Variants in FBLN2 observed in about 807,000 individuals in gnomAD.
FBLN2 encodes fibulin 2, also known as fibulin-2.
In FBLN2, 81 loss-of-function variants were observed where a neutral mutation model predicts 123.7. The observed-to-expected ratio is 0.65, with a 90% confidence interval of 0.55 to 0.79. The LOEUF (loss-of-function observed/expected upper bound fraction) is 0.79. Ranked by LOEUF, FBLN2 falls within the 30% of genes least tolerant of loss-of-function variation. FBLN2 has a pLI of 0.00. For missense variants in FBLN2, 1,603 were observed against 1,681.3 expected (o/e 0.95, Z 0.81); for synonymous variants, 699 against 701.4 (o/e 1.00, Z 0.05).
At chr3:13,601,417 G>A (rs1173570984) in intron 2 of FBLN2, among the ~76,000 whole-genome samples, 1 of 152,252 alleles carries the variant, frequency 6.6e-6, no homozygotes, top group African/African-American at 2.4e-5. Context: ...GAGGGGACGA[G>A]ACATTGAATG....
Position 13,571,230 on chromosome 3 carries a change from T to C in FBLN2, c.875T>C (p.Val292Ala). The C allele has an allele frequency of 1.3e-6, 2 of 1,569,606 alleles. No individual in the cohort carries two copies. Among genetic ancestry groups the C allele is most frequent in the Non-Finnish European group, 1.7e-6 (2 of 1,157,700 alleles). ...GAGGAGGAGAGAGAGGAAATGGCTG[T>C]CACTGAGCAGCTGGCAGCAGGTGGC... ...EEEEEREEMA[V>A]TEQLAAGGHR... is the part of the protein sequence containing the mutation. The change falls in exon 2 of 18, where the codon GTC becomes GCC. Residue 292 changes from valine (V) to alanine (A), a missense_variant. Transcript: ENST00000404922.
chr3:13,571,426 G>A lies in FBLN2; in HGVS notation c.1071G>A (p.Thr357=), dbSNP rs376666444. The change falls in exon 2 of 18, where the codon ACG becomes ACA. Residue 357 remains threonine, a synonymous_variant. Transcript: ENST00000404922. ...TSRSTGPEGV[T]HAPSLGKAAL... ...GCAGCACTGGGCCGGAGGGCGTGAC[G>A]CATGCACCGAGCCTGGGCAAGGCTG... 135 of 1,612,852 alleles carry A rather than the reference G, an allele frequency of 8.4e-5. No homozygotes were observed. In the African/African-American group the frequency reaches 1.0e-3, roughly 12 times the overall value.
At chr3:13,611,217 G>A (rs980958130) in intron 4 of FBLN2, among the ~76,000 whole-genome samples, 3 of 152,142 alleles carry the variant, frequency 2.0e-5, no homozygotes, top group Non-Finnish European at 4.4e-5. Context: ...AAAGTGCTGG[G>A]ATTACAGGCA....
At chr3:13,622,412 T>G (rs949564788) in intron 9 of FBLN2, among the ~76,000 whole-genome samples, 6 of 152,198 alleles carry the variant, frequency 3.9e-5, no homozygotes, top group Non-Finnish European at 8.8e-5. Context: ...CTGGGCACCG[T>G]GAGCATGCTA....
chr3:13,584,473 A>G, intron 2 of FBLN2, among the ~76,000 whole-genome samples: 1 of 152,112 alleles, frequency 6.6e-6, no homozygotes, highest in East Asian at 1.9e-4. Context: ...GGCTACATGG[A>G]GGGCTGAGGG....
intron 9 of FBLN2, among the ~76,000 whole-genome samples, chr3:13,623,911 A>G (rs997237527): frequency 6.6e-6 from 1 of 152,248 alleles, no homozygotes; most frequent in Non-Finnish European, 1.5e-5. Flanking sequence ...CAACCTGCAG[A>G]GGTAGTAAGC....
At chr3:13,594,435 T>C (rs1488808551) in intron 2 of FBLN2, among the ~76,000 whole-genome samples, 1 of 152,214 alleles carries the variant, frequency 6.6e-6, no homozygotes, top group Non-Finnish European at 1.5e-5. Context: ...GCTCAGACCC[T>C]GTCTCTCACC....
chr3:13,586,716 C>T (rs1704517612), intron 2 of FBLN2, among the ~76,000 whole-genome samples: 2 of 148,906 alleles, frequency 1.3e-5, no homozygotes, highest in South Asian at 2.1e-4. Flanking sequence ...ACCATGTTGC[C>T]CAGGCTGGTT....
At chr3:13,626,816 G>A (rs11708705) in intron 10 of FBLN2, among the ~76,000 whole-genome samples, 26,752 of 152,092 alleles carry the variant, frequency 0.18, 3,099 homozygotes, top group Non-Finnish European at 0.23. Context: ...GGCAGGCTAG[G>A]TCCACCCCGG....
chr3:13,563,057 G>C (rs987084050), intron 1 of FBLN2, among the ~76,000 whole-genome samples: 6 of 152,196 alleles, frequency 3.9e-5, no homozygotes, highest in Non-Finnish European at 8.8e-5. Context: ...CGTGTGACTC[G>C]AGTCTATCAT....
intron 4 of FBLN2, 42 bp downstream of exon 4, chr3:13,609,684 C>CT: frequency 4.6e-5 from 9 of 196,566 alleles, no homozygotes; most frequent in Non-Finnish European, 7.6e-5. Context: ...TGGGGTGGGG[C>CT]GGGGCGGGAG....
intron 16 of FBLN2, among the ~76,000 whole-genome samples, chr3:13,633,995 A>ACACACACACACACACACACACACACT (rs1706360045): frequency 1.3e-5 from 2 of 149,266 alleles, no homozygotes; most frequent in Non-Finnish European, 3.0e-5. Context: ...ACACACACAC[A>ACACACACACACACACACACACACACT]GCTGAAAGTC....
intron 2 of FBLN2, among the ~76,000 whole-genome samples, chr3:13,605,700 TC>T (rs1228020134): frequency 6.6e-6 from 1 of 152,148 alleles, no homozygotes; most frequent in Non-Finnish European, 1.5e-5. Flanking sequence ...CGTGAGGACT[TC>T]CCTGGCACAG....
chr3:13,581,913 T>C (rs1467836123), intron 2 of FBLN2, among the ~76,000 whole-genome samples: 1 of 152,068 alleles, frequency 6.6e-6, no homozygotes, highest in Non-Finnish European at 1.5e-5. Flanking sequence ...GGCATCTCTG[T>C]GTTTTCTGCT....
At chr3:13,559,074 G>A (rs544729938) in intron 1 of FBLN2, among the ~76,000 whole-genome samples, 7 of 152,142 alleles carry the variant, frequency 4.6e-5, no homozygotes, top group Non-Finnish European at 1.0e-4. Flanking sequence ...GGCTTTGAAT[G>A]TCTCCGTTAG....
At chr3:13,632,121 C>T (rs1322793998) in intron 16 of FBLN2, among the ~76,000 whole-genome samples, 3 of 152,200 alleles carry the variant, frequency 2.0e-5, no homozygotes, top group Non-Finnish European at 4.4e-5. Flanking sequence ...GCTAGAGAGT[C>T]GTACTTCTAA....
chr3:13,625,952 G>A (rs977719213), intron 9 of FBLN2, among the ~76,000 whole-genome samples: 1 of 151,288 alleles, frequency 6.6e-6, no homozygotes. Context: ...CATCCCTGAC[G>A]CCTCTGCCTG....
intron 2 of FBLN2, among the ~76,000 whole-genome samples, chr3:13,577,827 G>A (rs1416834763): frequency 2.6e-5 from 4 of 152,232 alleles, no homozygotes; most frequent in African/African-American, 9.6e-5. Flanking sequence ...GGGGCAGCTG[G>A]GTTCAGGCCC....
intron 17 of FBLN2, 104 bp downstream of exon 17, chr3:13,636,672 C>G: frequency 7.2e-7 from 1 of 1,393,776 alleles, no homozygotes; most frequent in Non-Finnish European, 9.7e-7. Context: ...ACCTCCCTCT[C>G]GTCCCAGCCC....
Sources: gnomAD v4.1 joint callset for allele counts (sites outside exome capture counted in the v4.1 genomes callset) on GRCh38, gnomAD v4.1.1 for gene constraint, MANE v1.5 for transcripts, NCBI Gene and HGNC (gene_info 2026-07-23, HGNC 2026-07-21) for gene names.